The following RAB37 variants were observed in gnomAD, a reference collection of about 807,000 sequenced individuals.
RAB37 encodes RAB37, member RAS oncogene family.
RAB37 carries 29 observed loss-of-function variants against 33.1 expected under a neutral mutation model. The ratio of observed to expected loss-of-function variants is 0.88; its 90% confidence interval spans 0.65 to 1.20. The LOEUF is 1.20. Among genes scored for constraint, RAB37 ranks in the 50% most tolerant of loss-of-function variants. The probability of loss-of-function intolerance (pLI) is 0.00; values close to 1 mark genes in which losing one functional copy is unlikely to be tolerated. For synonymous variants in RAB37, 128 were observed against 119.5 expected, an observed-to-expected ratio of 1.07 and a Z score of -0.47; for missense variants, 299 against 301.1, an observed-to-expected ratio of 0.99 and a Z score of 0.05.
Position 74,671,298 on chromosome 17 carries a change from G to A in RAB37, c.-289G>A. ...CCCTGCCAGCATCCTGGAGTCCTAA[G>A]AGGCAGGGATTGGAGCGGACAGGAT... is the stretch of plus-strand genomic sequence containing the variant. On this transcript the variant is annotated 5_prime_UTR_variant, in exon 1 of 8. Transcript: ENST00000340415. This position sits in a 1 kb window ranked among gnomAD's most constrained non-coding sequence, Gnocchi z 5.0. The A allele has an allele frequency of 4.7e-6, 2 of 429,422 alleles. No individual in the cohort carries two copies. The highest frequency in any genetic ancestry group is 4.2e-6 in the Non-Finnish European group (1 of 235,380). The allele number at this position is 429,422 out of a possible 1,614,324, so 26.6% of individuals were successfully genotyped here.
At chr17:74,704,275 C>T (rs1319556511) in intron 1 of RAB37, 7 of 581,730 alleles carry the variant, frequency 1.2e-5, no homozygotes, top group Admixed American at 9.2e-5. Context: ...GGCTTAATCC[C>T]GTCGTGGAGG....
In RAB37 at chr17:74,747,145, A is replaced by G. The variant is rs1229032789; in HGVS notation, c.*1734A>G. The G allele has an allele frequency of 6.6e-6, 1 of 152,176 alleles. No homozygotes were observed. Among genetic ancestry groups the G allele is most frequent in the African/African-American group, 2.4e-5 (1 of 41,428 alleles). 9.4% of individuals were successfully genotyped at this position (152,176 alleles called of 1,614,324 possible). On this transcript the variant is annotated 3_prime_UTR_variant, in exon 9 of 9. Coordinates refer to ENST00000392613, the MANE Select transcript of RAB37 (RefSeq NM_001006638.3). ...TCAAGGCAGAAATCTTGCTCTGAGCAGTCAGCGGCTCCAGTTTGGGCCCGA... is the reference window on the plus strand; with the variant it reads ...TCAAGGCAGAAATCTTGCTCTGAGCGGTCAGCGGCTCCAGTTTGGGCCCGA...
chr17:74,735,030 A>G (rs899117386), upstream of RAB37, among the ~76,000 whole-genome samples: 1,589 of 92,592 alleles, frequency 0.017, 31 homozygotes, highest in African/African-American at 0.067. Context: ...AGAAAGAAAG[A>G]AAGAAAGAAA....
chr17:74,695,167 G>A, intron 1 of RAB37: 1 of 1,614,128 alleles, frequency 6.2e-7, no homozygotes, highest in South Asian at 1.1e-5. Context: ...CTACTGAGGT[G>A]GCCCATGTTG....
chr17:74,721,184 T>C (rs1474245247), intron 1 of RAB37, among the ~76,000 whole-genome samples: 2 of 152,170 alleles, frequency 1.3e-5, no homozygotes, highest in Non-Finnish European at 2.9e-5. Context: ...CAGGAATGCA[T>C]GTTCTCATTT....
At chr17:74,697,906 T>G (rs1219971318) in intron 1 of RAB37, among the ~76,000 whole-genome samples, 6 of 152,200 alleles carry the variant, frequency 3.9e-5, no homozygotes, top group Admixed American at 2.6e-4. Flanking sequence ...GTGGGATCCA[T>G]GCAGTGTGTG....
intron 3 of RAB37, 68 bp from the exon 4 acceptor site, chr17:74,743,061 C>A: frequency 7.0e-7 from 1 of 1,430,304 alleles, no homozygotes; most frequent in Non-Finnish European, 9.8e-7. Flanking sequence ...CAAAGCAGGC[C>A]TGCTCCACCC....
In RAB37 at chr17:74,744,248, A is replaced by G; in HGVS notation, c.367-60A>G. The G allele has an allele frequency of 1.3e-6, 2 of 1,504,576 alleles. No homozygotes were observed. The highest frequency in any genetic ancestry group is 9.2e-7 in the Non-Finnish European group (1 of 1,090,214). 93.2% of individuals were successfully genotyped at this position (1,504,576 alleles called of 1,614,324 possible). On this transcript the variant is annotated intron_variant, in intron 5 of 8. Transcript: ENST00000392613. This position sits in a 1 kb window ranked among gnomAD's most constrained non-coding sequence, Gnocchi z 4.2. ...GTAACTGAGGATAGTCAAACGGAGCAGAAGAAGAAAGGGGCAGCAGGAGGA... is the reference window on the plus strand; with the variant it reads ...GTAACTGAGGATAGTCAAACGGAGCGGAAGAAGAAAGGGGCAGCAGGAGGA...
rs867471606 is a variant in RAB37 at position 74,697,061 on chromosome 17, C to T, written c.72+25403C>T. Among the ~76,000 whole-genome samples, 9 of 152,268 alleles carry T rather than the reference C, an allele frequency of 5.9e-5. No individual in the cohort carries two copies. The Middle Eastern group carries it at 0.02, about 345-fold the overall frequency. ...GGTTCAAGCGATTCTCCTGCCTTAGCCTCCTGAGTAGCTGGAACTACAGAT... is the reference window on the plus strand; with the variant it reads ...GGTTCAAGCGATTCTCCTGCCTTAGTCTCCTGAGTAGCTGGAACTACAGAT... On this transcript the variant is annotated intron_variant, in intron 1 of 7. Coordinates refer to the RAB37 transcript ENST00000340415.
intron 1 of RAB37, among the ~76,000 whole-genome samples, chr17:74,688,133 G>T (rs2032090104): frequency 6.6e-6 from 1 of 152,194 alleles, no homozygotes; most frequent in African/African-American, 2.4e-5. Context: ...CTCACAGCTG[G>T]CAGGCTCTTC....
chr17:74,681,036 T>C (rs945982190), intron 1 of RAB37, among the ~76,000 whole-genome samples: 1 of 152,178 alleles, frequency 6.6e-6, no homozygotes, highest in Non-Finnish European at 1.5e-5. Flanking sequence ...GCGCACCACA[T>C]GCCAGTCCCC....
At chr17:74,739,045 T>C (rs769446736) in intron 1 of RAB37, among the ~76,000 whole-genome samples, 6 of 152,126 alleles carry the variant, frequency 3.9e-5, no homozygotes, top group Non-Finnish European at 7.4e-5. Context: ...TCAAGACCCA[T>C]CCTTCATACC....
In RAB37 at chr17:74,676,299, G is replaced by A. The variant is rs1053768096; in HGVS notation, c.72+4641G>A. Among the ~76,000 whole-genome samples, 2 of 152,050 alleles carry A rather than the reference G, an allele frequency of 1.3e-5. No individual in the cohort carries two copies. The highest frequency in any genetic ancestry group is 2.9e-5 in the Non-Finnish European group (2 of 68,018). On this transcript the variant is annotated intron_variant, in intron 1 of 7. Transcript: ENST00000340415. This position sits in a 1 kb window ranked among gnomAD's most constrained non-coding sequence, Gnocchi z 4.1. ...ATACCAGACTAGCTTCCAGAGGGAC[G>A]AACAATTCCTAGGACAAAGTCAGTC...
intron 1 of RAB37, among the ~76,000 whole-genome samples, chr17:74,701,005 A>C (rs1397492309): frequency 6.6e-6 from 1 of 152,128 alleles, no homozygotes; most frequent in Admixed American, 6.5e-5. Flanking sequence ...GTGAACACAT[A>C]GGAAAAAGAT....
At chr17:74,735,294 A>C (rs2034459561), upstream of RAB37, among the ~76,000 whole-genome samples, 1 of 151,968 alleles carries the variant, frequency 6.6e-6, no homozygotes, top group African/African-American at 2.4e-5. Flanking sequence ...AATCCCAGCA[A>C]TTTGGAAGGC....
intron 1 of RAB37, among the ~76,000 whole-genome samples, chr17:74,688,567 GA>G (rs1359381483): frequency 7.7e-6 from 1 of 129,190 alleles, no homozygotes; most frequent in Non-Finnish European, 1.8e-5. Context: ...AAAAAAAAAA[GA>G]AAAGAAAAGA....
At position 74,671,168 on chromosome 17, in the gene RAB37, T is replaced by G. The variant is rs2143442832; in HGVS notation, c.-419T>G. The G allele has an allele frequency of 5.4e-6, 1 of 186,094 alleles. No individual in the cohort carries two copies. Among genetic ancestry groups the G allele is most frequent in the Admixed American group, 5.4e-5 (1 of 18,614 alleles). 11.5% of individuals were successfully genotyped at this position (186,094 alleles called of 1,614,324 possible). A position where few individuals can be genotyped will look rare whatever the true frequency, so the allele number is the denominator to read the frequency against. ...TCGCTCGGGATCAGGAACGGTGAGC[T>G]CCTGGGACCGCAATGCCCTGAGAAC... On this transcript the variant is annotated 5_prime_UTR_variant, in exon 1 of 8. Coordinates refer to the RAB37 transcript ENST00000340415. This position sits in a 1 kb window ranked among gnomAD's most constrained non-coding sequence, Gnocchi z 5.0.
chr17:74,713,284 T>G (rs1162948026), intron 1 of RAB37, among the ~76,000 whole-genome samples: 1 of 138,016 alleles, frequency 7.2e-6, no homozygotes, highest in East Asian at 2.1e-4. Flanking sequence ...CCAGCCTGGG[T>G]GACAGAACAA....
At chr17:74,699,855 A>G (rs998989518) in intron 1 of RAB37, among the ~76,000 whole-genome samples, 1 of 152,002 alleles carries the variant, frequency 6.6e-6, no homozygotes, top group Non-Finnish European at 1.5e-5. Context: ...AAAATTCTGC[A>G]ACAGGCCAGG....
Sources: gnomAD v4.1 joint callset for allele counts (sites outside exome capture counted in the v4.1 genomes callset) on GRCh38, gnomAD v4.1.1 for gene constraint, Gnocchi (gnomAD v3.1) non-coding constraint, MANE v1.5 for transcripts, NCBI Gene and HGNC (gene_info 2026-07-23, HGNC 2026-07-21) for gene names.